The following NRXN3 variants were observed in gnomAD, a reference collection of about 807,000 sequenced individuals.
NRXN3 encodes the protein neurexin 3, also known as neurexin III.
NRXN3 carries 32 observed loss-of-function variants against 137.6 expected under a neutral mutation model. That is an observed-to-expected ratio of 0.23 (90% CI 0.18 to 0.31). The LOEUF (loss-of-function observed/expected upper bound fraction) is 0.31. Among genes scored for constraint, NRXN3 ranks in the 10% least tolerant of loss-of-function variants. The probability of loss-of-function intolerance (pLI) is 1.00; values close to 1 mark genes in which losing one functional copy is unlikely to be tolerated. For synonymous variants in NRXN3, 798 were observed against 784.5 expected (o/e 1.02, Z -0.29); for missense variants, 1,574 against 2,062.5 (o/e 0.76, Z 4.59).
At chr14:78,189,130 C>T (rs1432860141) in intron 1 of NRXN3, among the ~76,000 whole-genome samples, 1 of 152,110 alleles carries the variant, frequency 6.6e-6, no homozygotes, top group Non-Finnish European at 1.5e-5. Context: ...ATCCCACATC[C>T]AATCTACCAG....
chr14:78,227,296 C>T lies in NRXN3; in HGVS notation c.-703-15095C>T, dbSNP rs539425546. On this transcript the variant is annotated intron_variant, in intron 1 of 20. Transcript: ENST00000335750. Reference sequence around the variant, plus strand: ...TCACTTACTGTTTTGTGACCCTGAACGAACCATGTTCTGTCTCTGAGCTTC... The same window carrying T: ...TCACTTACTGTTTTGTGACCCTGAATGAACCATGTTCTGTCTCTGAGCTTC... Among the ~76,000 whole-genome samples the T allele has an allele frequency of 2.4e-4, 36 of 152,026 alleles. No homozygotes were observed. In the South Asian group the frequency reaches 2.5e-3, roughly 11 times the overall value.
At chr14:78,851,035 G>T (rs1452821526) in intron 10 of NRXN3, among the ~76,000 whole-genome samples, 1 of 152,112 alleles carries the variant, frequency 6.6e-6, no homozygotes, top group Non-Finnish European at 1.5e-5. Flanking sequence ...GGACTAAACA[G>T]ATATCTTTTG....
At chr14:79,265,225 G>T (rs2078268322) in intron 15 of NRXN3, among the ~76,000 whole-genome samples, 1 of 140,078 alleles carries the variant, frequency 7.1e-6, no homozygotes, top group Non-Finnish European at 1.5e-5. Flanking sequence ...AGGAATGGGG[G>T]TTGCTCTTTT....
intron 17 of NRXN3, among the ~76,000 whole-genome samples, chr14:79,668,086 G>T (rs1259374290): frequency 2.0e-5 from 3 of 152,052 alleles, no homozygotes; most frequent in African/African-American, 4.8e-5. Context: ...GCTCTTCACA[G>T]AATTCCTCTT....
chr14:79,628,078 G>T (rs141887450), intron 16 of NRXN3, among the ~76,000 whole-genome samples: 1 of 152,272 alleles, frequency 6.6e-6, no homozygotes, highest in East Asian at 1.9e-4. Context: ...AGATTCCGTT[G>T]ACATAAAAGT....
intron 2 of NRXN3, among the ~76,000 whole-genome samples, chr14:78,272,937 C>T (rs536713328): frequency 5.3e-5 from 8 of 152,126 alleles, no homozygotes; most frequent in Non-Finnish European, 1.0e-4. Flanking sequence ...GTCTTTTCTT[C>T]GGCAATTTAC....
At chr14:78,677,553 G>A (rs2098021949) in intron 6 of NRXN3, among the ~76,000 whole-genome samples, 1 of 152,114 alleles carries the variant, frequency 6.6e-6, no homozygotes, top group African/African-American at 2.4e-5. Flanking sequence ...TCTTGAGATG[G>A]AATCCACTCT....
At chr14:79,406,216 T>A (rs1159262972) in intron 15 of NRXN3, among the ~76,000 whole-genome samples, 1 of 151,832 alleles carries the variant, frequency 6.6e-6, no homozygotes, top group African/African-American at 2.4e-5. Flanking sequence ...AGCAACATAC[T>A]CAAGATCATC....
At chr14:78,606,951 A>G (rs1353629927) in intron 4 of NRXN3, among the ~76,000 whole-genome samples, 1 of 152,164 alleles carries the variant, frequency 6.6e-6, no homozygotes, top group Non-Finnish European at 1.5e-5. Flanking sequence ...ATTTTCCTTA[A>G]GCTTTCATTG....
chr14:79,068,427 A>T (rs2099683445), intron 15 of NRXN3, among the ~76,000 whole-genome samples: 1 of 152,100 alleles, frequency 6.6e-6, no homozygotes, highest in African/African-American at 2.4e-5. Flanking sequence ...AGTCAAAGGC[A>T]AAAGCAATTT....
intron 1 of NRXN3, among the ~76,000 whole-genome samples, chr14:78,172,115 G>T (rs1270814850): frequency 6.6e-6 from 1 of 152,102 alleles, no homozygotes; most frequent in Non-Finnish European, 1.5e-5. Context: ...GCCCTGGGAG[G>T]GAGAGGGGGC....
At chr14:78,447,500 G>A (rs2094448585) in intron 4 of NRXN3, among the ~76,000 whole-genome samples, 1 of 152,170 alleles carries the variant, frequency 6.6e-6, no homozygotes, top group Non-Finnish European at 1.5e-5. Flanking sequence ...TAGAACCTGG[G>A]GTGTGTTTCT....
chr14:78,830,695 T>G (rs1326828916), intron 10 of NRXN3, among the ~76,000 whole-genome samples: 1 of 152,100 alleles, frequency 6.6e-6, no homozygotes, highest in East Asian at 1.9e-4. Context: ...GAGCTCTTTT[T>G]TTTTTCATTT....
rs556602857 is a variant in NRXN3, at chr14:78,791,344, A to G, written c.2045-12276A>G. 2.6e-5 allele frequency among the ~76,000 whole-genome samples: 4 copies of G among 152,272 alleles called. No homozygotes were observed. The South Asian group carries it at 8.3e-4, about 32-fold the overall frequency. ...ACAAAAATGAACATGCAAACCAAATAATCATTATCCCAAAGTAAGAAAAGG... is the reference window on the plus strand; with the variant it reads ...ACAAAAATGAACATGCAAACCAAATGATCATTATCCCAAAGTAAGAAAAGG... On this transcript the variant is annotated intron_variant, in intron 8 of 20. Coordinates refer to ENST00000335750, the MANE Select transcript of NRXN3 (RefSeq NM_001330195.2).
intron 15 of NRXN3, among the ~76,000 whole-genome samples, chr14:79,464,925 AGC>A (rs1178397651): frequency 7.9e-4 from 120 of 152,352 alleles, no homozygotes; most frequent in Non-Finnish European, 1.4e-3. Flanking sequence ...ACTGTAAAGC[AGC>A]ATGTATATGC....
In NRXN3 at chr14:79,379,151, G is replaced by GT. The variant is rs1401148838; in HGVS notation, c.3263-88064dup. On this transcript the variant is annotated intron_variant, in intron 15 of 20. Transcript: ENST00000335750. ...AAAAGCTAGAATTTTTTTGTTTTTTGTTTTTTCCAGGAAAAAATTTTAACT... is the reference window on the plus strand; with the variant it reads ...AAAAGCTAGAATTTTTTTGTTTTTTGTTTTTTTCCAGGAAAAAATTTTAACT... 1.5e-4 allele frequency among the ~76,000 whole-genome samples: 23 copies of GT among 151,646 alleles called. 1 individual carries two copies. The East Asian group carries it at 4.5e-3, about 29-fold the overall frequency.
At chr14:79,778,509 C>T (rs1477668967) in intron 19 of NRXN3, among the ~76,000 whole-genome samples, 1 of 152,162 alleles carries the variant, frequency 6.6e-6, no homozygotes, top group African/African-American at 2.4e-5. Flanking sequence ...AGCAGACTAT[C>T]AGGGAATAAA....
chr14:79,507,494 G>C (rs2096889632), intron 16 of NRXN3, among the ~76,000 whole-genome samples: 1 of 152,128 alleles, frequency 6.6e-6, no homozygotes, highest in Admixed American at 6.5e-5. Context: ...GGGTAAAATT[G>C]TTTCTTTGAA....
At chr14:78,366,525 C>T (rs1434395635) in intron 4 of NRXN3, among the ~76,000 whole-genome samples, 3 of 152,150 alleles carry the variant, frequency 2.0e-5, no homozygotes, top group African/African-American at 7.2e-5. Flanking sequence ...AGCATGTTGG[C>T]TGTATTAGTT....
Sources: gnomAD v4.1 joint callset for allele counts (sites outside exome capture counted in the v4.1 genomes callset) on GRCh38, gnomAD v4.1.1 for gene constraint, MANE v1.5 for transcripts, NCBI Gene and HGNC (gene_info 2026-07-23, HGNC 2026-07-21) for gene names.